THSD7A: variants seen among roughly 807,000 people sequenced by gnomAD.
THSD7A encodes the protein thrombospondin type-1 domain-containing protein 7A.
In THSD7A, 96 loss-of-function variants were observed where a neutral mutation model predicts 231.3. The ratio of observed to expected loss-of-function variants is 0.41; its 90% CI spans 0.35 to 0.49. The LOEUF (loss-of-function observed/expected upper bound fraction) is 0.49. Ranked by LOEUF, THSD7A falls within the 20% of genes least tolerant of loss-of-function variation. The pLI is 0.05. For synonymous variants in THSD7A, 940 were observed against 743.3 expected (o/e 1.26, Z -4.30); for missense variants, 2,290 against 2,070.2 (o/e 1.11, Z -2.06).
At chr7:11,659,943 C>T (rs961889434) in intron 1 of THSD7A, among the ~76,000 whole-genome samples, 2 of 151,490 alleles carry the variant, frequency 1.3e-5, no homozygotes, top group East Asian at 3.9e-4. Context: ...AATGCAGAAT[C>T]TCAGGCCTGA....
At chr7:11,735,774 G>T (rs2128159035) in intron 1 of THSD7A, among the ~76,000 whole-genome samples, 1 of 151,980 alleles carries the variant, frequency 6.6e-6, no homozygotes, top group Middle Eastern at 3.4e-3. Context: ...TAATTGGGTA[G>T]ATAATGGCAA....
chr7:11,674,205 A>T (rs917555318), intron 1 of THSD7A, among the ~76,000 whole-genome samples: 9 of 152,046 alleles, frequency 5.9e-5, no homozygotes, highest in Non-Finnish European at 1.0e-4. Context: ...TCACTGAAGT[A>T]GGCACCACCA....
intron 1 of THSD7A, among the ~76,000 whole-genome samples, chr7:11,760,011 A>G (rs1782804075): frequency 6.6e-6 from 1 of 152,072 alleles, no homozygotes; most frequent in Non-Finnish European, 1.5e-5. Flanking sequence ...ATATACACAA[A>G]CAAAATATGA....
chr7:11,608,868 T>C (rs1305891098), intron 2 of THSD7A, among the ~76,000 whole-genome samples: 1 of 152,140 alleles, frequency 6.6e-6, no homozygotes, highest in African/African-American at 2.4e-5. Context: ...CAAAATGTCT[T>C]GCTGCACATG....
intron 1 of THSD7A, among the ~76,000 whole-genome samples, chr7:11,806,900 C>T (rs1398191941): frequency 6.6e-6 from 1 of 152,100 alleles, no homozygotes; most frequent in Non-Finnish European, 1.5e-5. Context: ...CTCTCCACTG[C>T]TAACCTCAGA....
chr7:11,810,025 A>T (rs1784490121), intron 1 of THSD7A, among the ~76,000 whole-genome samples: 1 of 152,170 alleles, frequency 6.6e-6, no homozygotes. Context: ...ATAGGAACAA[A>T]TCAACATTTG....
intron 1 of THSD7A, among the ~76,000 whole-genome samples, chr7:11,757,512 A>T (rs1199775545): frequency 6.6e-6 from 1 of 152,058 alleles, no homozygotes; most frequent in African/African-American, 2.4e-5. Context: ...CAAGTTACAG[A>T]TCTAGCCCTG....
rs1786081868 is a variant in THSD7A at position 11,474,624 on chromosome 7, A to C, written c.2018-56T>G. On this transcript the variant is annotated intron_variant, in intron 7 of 27. Transcript: ENST00000423059. This position sits in a 1 kb window ranked among gnomAD's most constrained non-coding sequence, Gnocchi z 4.1. ...ATACGGTGCCAACAGGAACCTTACC[A>C]TACTCTGTTCTTTGGAATTAACATG... 2.1e-6 allele frequency: 3 copies of C among 1,400,320 alleles called. No individual in the cohort carries two copies. The highest frequency in any genetic ancestry group is 2.9e-6 in the Non-Finnish European group (3 of 1,017,446). The allele number at this position is 1,400,320 out of a possible 1,614,324, so 86.7% of individuals were successfully genotyped here.
At chr7:11,555,904 C>G (rs1789825227) in intron 4 of THSD7A, among the ~76,000 whole-genome samples, 1 of 151,646 alleles carries the variant, frequency 6.6e-6, no homozygotes, top group African/African-American at 2.4e-5. Context: ...ACTCCTGCTT[C>G]CATTGAATAA....
intron 24 of THSD7A, 48 bp from the exon 25 acceptor site, chr7:11,379,760 A>G (rs756797141): frequency 1.3e-6 from 2 of 1,522,076 alleles, no homozygotes; most frequent in South Asian, 2.4e-5. Context: ...TTTTGCTATG[A>G]TGAAAATACA....
intron 16 of THSD7A, among the ~76,000 whole-genome samples, chr7:11,422,413 T>C (rs2115409767): frequency 6.6e-6 from 1 of 152,182 alleles, no homozygotes; most frequent in South Asian, 2.1e-4. Flanking sequence ...CAGAGGATAA[T>C]TTAAGGGAAG....
intron 4 of THSD7A, among the ~76,000 whole-genome samples, chr7:11,575,665 G>C (rs1790867371): frequency 6.6e-6 from 1 of 152,162 alleles, no homozygotes; most frequent in Non-Finnish European, 1.5e-5. Flanking sequence ...TGAGGGAATA[G>C]CTGTACCTCC....
chr7:11,668,817 A>G (rs1425215300), intron 1 of THSD7A, among the ~76,000 whole-genome samples: 1 of 152,168 alleles, frequency 6.6e-6, no homozygotes, highest in Non-Finnish European at 1.5e-5. Flanking sequence ...ATTAAGAACA[A>G]CTGATTCCTT....
At chr7:11,518,598 A>AC (rs1788132718) in intron 6 of THSD7A, among the ~76,000 whole-genome samples, 186 of 150,174 alleles carry the variant, frequency 1.2e-3, no homozygotes, top group African/African-American at 4.4e-3. Context: ...ATAAAATAGA[A>AC]ACACACACAC....
intron 6 of THSD7A, among the ~76,000 whole-genome samples, chr7:11,502,829 C>T (rs12699194): frequency 0.42 from 63,947 of 152,028 alleles, 14,085 homozygotes; most frequent in Admixed American, 0.55. Flanking sequence ...GAAAAACATG[C>T]CATGCTGATG....
chr7:11,460,390 G>A (rs1489782524), intron 11 of THSD7A, among the ~76,000 whole-genome samples: 21 of 152,086 alleles, frequency 1.4e-4, no homozygotes, highest in Non-Finnish European at 1.3e-4. Context: ...AAGCTTCAGT[G>A]TACCATTTAT....
At chr7:11,570,810 G>T (rs1034009256) in intron 4 of THSD7A, among the ~76,000 whole-genome samples, 5 of 152,192 alleles carry the variant, frequency 3.3e-5, no homozygotes, top group African/African-American at 1.2e-4. Context: ...GGTGGAGAGG[G>T]ATTTAAGCCT....
At chr7:11,776,647 T>C (rs1209471219) in intron 1 of THSD7A, among the ~76,000 whole-genome samples, 2 of 152,182 alleles carry the variant, frequency 1.3e-5, no homozygotes, top group Non-Finnish European at 2.9e-5. Flanking sequence ...TAATTCTTTA[T>C]ACCAGAATTA....
At chr7:11,389,421 C>CTTTTTTTTTTTTTTT (rs57755425) in intron 23 of THSD7A, among the ~76,000 whole-genome samples, 5 of 37,608 alleles carry the variant, frequency 1.3e-4, no homozygotes, top group Non-Finnish European at 1.9e-4. Flanking sequence ...GCAACTCCTG[C>CTTTTTTTTTTTTTTT]TTTTTTTTTT....
Sources: gnomAD v4.1 joint callset for allele counts (sites outside exome capture counted in the v4.1 genomes callset) on GRCh38, gnomAD v4.1.1 for gene constraint, Gnocchi (gnomAD v3.1) non-coding constraint, MANE v1.5 for transcripts, NCBI Gene and HGNC (gene_info 2026-07-23, HGNC 2026-07-21) for gene names.